PARVA: variants seen among roughly 807,000 people sequenced by gnomAD.
The protein encoded by PARVA is parvin alpha, also known as alpha-parvin.
PARVA carries 25 observed loss-of-function variants against 52.6 expected under a neutral mutation model. The ratio of observed to expected loss-of-function variants is 0.48; its 90% CI spans 0.35 to 0.66. PARVA has a LOEUF of 0.66. Among genes scored for constraint, PARVA ranks in the 30% least tolerant of loss-of-function variants. PARVA has a pLI of 0.01. For synonymous variants in PARVA, 185 were observed against 179.1 expected, an observed-to-expected ratio of 1.03 and a Z score of -0.26; for missense variants, 373 against 450.9, an observed-to-expected ratio of 0.83 and a Z score of 1.56.
chr11:12,474,569 T>A (rs147168677), intron 3 of PARVA, among the ~76,000 whole-genome samples: 1 of 152,086 alleles, frequency 6.6e-6, no homozygotes, highest in South Asian at 2.1e-4. Context: ...AAGGCACTCA[T>A]GAGTGTCATC....
At chr11:12,514,952 A>G (rs777638224) in intron 10 of PARVA, among the ~76,000 whole-genome samples, 3 of 152,182 alleles carry the variant, frequency 2.0e-5, no homozygotes, top group Non-Finnish European at 4.4e-5. Context: ...TGTGGCACTG[A>G]CACTTTTTGA....
chr11:12,474,584 C>T (rs569483487), intron 3 of PARVA, among the ~76,000 whole-genome samples: 2 of 152,254 alleles, frequency 1.3e-5, no homozygotes, highest in South Asian at 2.1e-4. Context: ...GTCATCCCAG[C>T]ACTCTGCGGA....
intron 4 of PARVA, among the ~76,000 whole-genome samples, chr11:12,494,561 C>T (rs1370344980): frequency 6.6e-6 from 1 of 152,032 alleles, no homozygotes; most frequent in Non-Finnish European, 1.5e-5. Flanking sequence ...ATGCCACTAT[C>T]ATCTTTCAGA....
At chr11:12,413,008 TG>T (rs1327600453) in intron 1 of PARVA, among the ~76,000 whole-genome samples, 1 of 152,224 alleles carries the variant, frequency 6.6e-6, no homozygotes, top group Non-Finnish European at 1.5e-5. Context: ...TCCACTGTTT[TG>T]TTTTTTTGTT....
intron 4 of PARVA, among the ~76,000 whole-genome samples, chr11:12,482,783 TC>T (rs1941105868): frequency 6.6e-6 from 1 of 152,120 alleles, no homozygotes; most frequent in Admixed American, 6.5e-5. Context: ...TATAAAACCA[TC>T]AGATATCGTG....
At chr11:12,393,652 G>GT (rs1445968351) in intron 1 of PARVA, among the ~76,000 whole-genome samples, 1 of 152,124 alleles carries the variant, frequency 6.6e-6, no homozygotes, top group East Asian at 1.9e-4. Flanking sequence ...TGAATGTGGC[G>GT]TATGTCACAT....
intron 1 of PARVA, among the ~76,000 whole-genome samples, chr11:12,464,024 C>T (rs1307619807): frequency 7.0e-6 from 1 of 142,358 alleles, no homozygotes; most frequent in Non-Finnish European, 1.5e-5. Context: ...TGGCTCCAAG[C>T]TTATCTCATA....
intron 1 of PARVA, among the ~76,000 whole-genome samples, chr11:12,466,384 G>A (rs1490986417): frequency 6.7e-6 from 1 of 149,862 alleles, no homozygotes; most frequent in Non-Finnish European, 1.5e-5. Context: ...TCAGCTCACT[G>A]CAACCTCTGC....
At chr11:12,398,979 A>G (rs541716175) in intron 1 of PARVA, among the ~76,000 whole-genome samples, 1 of 152,182 alleles carries the variant, frequency 6.6e-6, no homozygotes, top group African/African-American at 2.4e-5. Context: ...CCTATACGTA[A>G]CTATGAGATA....
At chr11:12,427,194 CAT>C (rs1940249911) in intron 1 of PARVA, among the ~76,000 whole-genome samples, 1 of 152,166 alleles carries the variant, frequency 6.6e-6, no homozygotes, top group African/African-American at 2.4e-5. Context: ...AGAAATCTGT[CAT>C]ATGTATGGCA....
chr11:12,415,198 G>A (rs1334799191), intron 1 of PARVA, among the ~76,000 whole-genome samples: 1 of 152,140 alleles, frequency 6.6e-6, no homozygotes, highest in Admixed American at 6.5e-5. Flanking sequence ...TTTTGGGACT[G>A]GAAATCTGTG....
rs776233950 is a variant in PARVA at position 12,527,802 on chromosome 11, A to G, written c.1043-47A>G. Reference sequence around the variant, plus strand: ...AGGGGCAGTGTATGCCAGCTTTGGAACATGTGGCCCCATGGAAACAATTGG... The same window carrying G: ...AGGGGCAGTGTATGCCAGCTTTGGAGCATGTGGCCCCATGGAAACAATTGG... On this transcript the variant is annotated intron_variant, in intron 12 of 12. Transcript: ENST00000334956. 4.9e-6 allele frequency: 7 copies of G among 1,433,398 alleles called. No individual in the cohort carries two copies. In the South Asian group the frequency reaches 8.0e-5, roughly 16 times the overall value. The allele number at this position is 1,433,398 out of a possible 1,614,324, so 88.8% of individuals were successfully genotyped here.
intron 9 of PARVA, chr11:12,513,594 AC>A (rs1941530585): frequency 1.5e-6 from 1 of 668,686 alleles, no homozygotes; most frequent in Non-Finnish European, 2.7e-6. Flanking sequence ...ACCCAGGCTA[AC>A]CCCAGCAATC....
intron 7 of PARVA, among the ~76,000 whole-genome samples, chr11:12,509,772 G>C (rs1941483867): frequency 6.6e-6 from 1 of 152,160 alleles, no homozygotes; most frequent in South Asian, 2.1e-4. Context: ...GTAGCTGAAG[G>C]GTCAACTGAT....
intron 6 of PARVA, among the ~76,000 whole-genome samples, chr11:12,507,348 G>A (rs1332938099): frequency 6.6e-6 from 1 of 152,080 alleles, no homozygotes; most frequent in Admixed American, 6.5e-5. Context: ...TGGTGCTGGT[G>A]GTGGAGGGAC....
intron 4 of PARVA, among the ~76,000 whole-genome samples, chr11:12,494,045 C>T (rs926511989): frequency 6.6e-6 from 1 of 152,188 alleles, no homozygotes; most frequent in Non-Finnish European, 1.5e-5. Flanking sequence ...GAATGGCACA[C>T]AGAACTCAGG....
chr11:12,434,819 C>T (rs1021587781), intron 1 of PARVA, among the ~76,000 whole-genome samples: 1 of 152,124 alleles, frequency 6.6e-6, no homozygotes, highest in Non-Finnish European at 1.5e-5. Flanking sequence ...TGAGCAGTCC[C>T]CAACTTGAAT....
Position 12,513,287 on chromosome 11 carries a change from CCT to C in PARVA, c.737-9_737-8del, listed in dbSNP as rs1414486005. The C allele has an allele frequency of 6.2e-7, 1 of 1,613,150 alleles. No individual in the cohort carries two copies. Among genetic ancestry groups the C allele is most frequent in the South Asian group, 1.1e-5 (1 of 91,048 alleles). On this transcript the variant is annotated splice_polypyrimidine_tract_variant and intron_variant, in intron 8 of 12. Coordinates refer to ENST00000334956, the MANE Select transcript of PARVA (RefSeq NM_018222.5). ...GCTCTTGTGCTCCACATTGTGTTTC[CCT>C]CTTTTTCAGAACGTGATGCCTTTGA... is the stretch of plus-strand genomic sequence containing the variant.
intron 1 of PARVA, among the ~76,000 whole-genome samples, chr11:12,435,230 C>G (rs1021429375): frequency 2.0e-5 from 3 of 152,202 alleles, no homozygotes; most frequent in African/African-American, 4.8e-5. Context: ...AAGGCTCCCC[C>G]CTCTCTCTGA....
Sources: allele counts gnomAD v4.1 joint callset (sites outside exome capture counted in the v4.1 genomes callset), GRCh38; gene constraint gnomAD v4.1.1; transcripts MANE v1.5; gene names NCBI Gene and HGNC (gene_info 2026-07-23, HGNC 2026-07-21).